Variants in RASSF9 observed in about 807,000 individuals in gnomAD.
RASSF9 encodes the protein Ras association domain family member 9, also known as ras association domain-containing protein 9.
RASSF9 carries 18 observed loss-of-function variants against 21.4 expected under a neutral mutation model. The observed-to-expected ratio is 0.84, with a 90% CI of 0.58 to 1.25. RASSF9 has a LOEUF of 1.25. RASSF9 is among the 50% of genes most tolerant of loss of function. The pLI is 0.00. For synonymous variants in RASSF9, 183 were observed against 179.1 expected (o/e 1.02, Z -0.18); for missense variants, 480 against 503.2 (o/e 0.95, Z 0.44).
intron 1 of RASSF9, among the ~76,000 whole-genome samples, chr12:85,817,051 T>C (rs1292523124): frequency 6.6e-6 from 1 of 152,148 alleles, no homozygotes; most frequent in Non-Finnish European, 1.5e-5. Flanking sequence ...TATCTCAGGC[T>C]TAAATGTATA....
At chr12:85,834,345 C>A (rs950232530) in intron 1 of RASSF9, among the ~76,000 whole-genome samples, 4 of 152,038 alleles carry the variant, frequency 2.6e-5, no homozygotes, top group African/African-American at 9.7e-5. Flanking sequence ...TGAAATTCAA[C>A]ACTATTAAAC....
chr12:85,809,417 T>C (rs995125580), intron 1 of RASSF9, among the ~76,000 whole-genome samples: 3 of 152,020 alleles, frequency 2.0e-5, no homozygotes, highest in Admixed American at 6.6e-5. Context: ...CAGAAATTGT[T>C]CTCTTCTGTG....
Position 85,805,715 on chromosome 12 carries a change from G to A in RASSF9, c.295C>T (p.Leu99Phe). Residue 99 changes from leucine to phenylalanine, a missense_variant, in exon 2 of 2, where the codon CTT becomes TTT. Physicochemically the swap from Leu to Phe is conservative, Grantham distance 22. Coordinates refer to ENST00000361228, the MANE Select transcript of RASSF9 (RefSeq NM_005447.4). ...TGCTCATCTCCCCACGCTTTCCAAA[G>A]CTTCAGGATTCTAGTTAGTGGAGGA... ...VLPPLTRILK[L>F]WKAWGDEQPN... The A allele has an allele frequency of 6.2e-7, 1 of 1,613,970 alleles. No homozygotes were observed. The highest frequency in any genetic ancestry group is 8.5e-7 in the Non-Finnish European group (1 of 1,179,904).
intron 1 of RASSF9, among the ~76,000 whole-genome samples, chr12:85,827,860 T>C (rs1485774338): frequency 6.6e-6 from 1 of 152,200 alleles, no homozygotes; most frequent in African/African-American, 2.4e-5. Context: ...CTCAAATGTC[T>C]AATTCACATA....
chr12:85,803,949 C>T lies in RASSF9; in HGVS notation c.*753G>A, dbSNP rs1879756503. 6.6e-6 allele frequency: 1 copy of T among 152,176 alleles called. No individual in the cohort carries two copies. The highest frequency in any genetic ancestry group is 1.5e-5 in the Non-Finnish European group (1 of 68,032). 9.4% of individuals were successfully genotyped at this position (152,176 alleles called of 1,614,324 possible). On this transcript the variant is annotated 3_prime_UTR_variant, in exon 2 of 2. Transcript: ENST00000361228. Reference sequence around the variant, plus strand: ...ATTTTCTCTGTAACCCACACTATACCTCACTCAGTGAATGAACATGGGTTT... The same window carrying T: ...ATTTTCTCTGTAACCCACACTATACTTCACTCAGTGAATGAACATGGGTTT...
intron 1 of RASSF9, among the ~76,000 whole-genome samples, chr12:85,818,727 G>A (rs1421628715): frequency 1.3e-5 from 2 of 152,072 alleles, no homozygotes; most frequent in Non-Finnish European, 2.9e-5. Context: ...TCGGGATGCC[G>A]AGGCGGGCGG....
At chr12:85,807,915 A>G (rs1023500784) in intron 1 of RASSF9, among the ~76,000 whole-genome samples, 1 of 152,152 alleles carries the variant, frequency 6.6e-6, no homozygotes, top group Non-Finnish European at 1.5e-5. Context: ...AACAAATGAC[A>G]TGAAATTAGT....
intron 1 of RASSF9, among the ~76,000 whole-genome samples, chr12:85,821,111 T>A (rs1264231479): frequency 6.6e-6 from 1 of 151,750 alleles, no homozygotes; most frequent in African/African-American, 2.4e-5. Flanking sequence ...GCCACTGCAC[T>A]CCAGCCTGGC....
intron 1 of RASSF9, among the ~76,000 whole-genome samples, chr12:85,820,810 G>C (rs1258939110): frequency 1.3e-5 from 2 of 152,148 alleles, no homozygotes; most frequent in African/African-American, 4.8e-5. Flanking sequence ...TTTCTAGTAA[G>C]TTTCAAAGCA....
At chr12:85,833,633 G>C (rs182848050) in intron 1 of RASSF9, among the ~76,000 whole-genome samples, 128 of 152,042 alleles carry the variant, frequency 8.4e-4, no homozygotes, top group African/African-American at 3.0e-3. Flanking sequence ...TCTGTAAGCA[G>C]ACTTTCTCAA....
At chr12:85,815,172 A>G (rs956411595) in intron 1 of RASSF9, among the ~76,000 whole-genome samples, 1 of 152,048 alleles carries the variant, frequency 6.6e-6, no homozygotes, top group Non-Finnish European at 1.5e-5. Flanking sequence ...AATGAGAGAG[A>G]GAGAAAAAAA....
At chr12:85,834,787 T>G (rs1310998196) in intron 1 of RASSF9, among the ~76,000 whole-genome samples, 3 of 152,126 alleles carry the variant, frequency 2.0e-5, no homozygotes, top group African/African-American at 7.2e-5. Flanking sequence ...AACAGAGTAT[T>G]TTTATTTTTG....
chr12:85,804,963 C>T lies in RASSF9; in HGVS notation c.1047G>A (p.Leu349=), dbSNP rs775956214. 6.2e-7 allele frequency: 1 copy of T among 1,613,884 alleles called. No individual in the cohort carries two copies. Among genetic ancestry groups the T allele is most frequent in the South Asian group, 1.1e-5 (1 of 91,080 alleles). Residue 349 remains leucine, a synonymous_variant, in exon 2 of 2, where the codon TTG becomes TTA. Coordinates refer to ENST00000361228, the MANE Select transcript of RASSF9 (RefSeq NM_005447.4). Reference sequence around the variant, plus strand: ...CATATTCTTTTGCTTTCATCTGAAGCAATGAGTCACTGTATTTAATCTCTT... The same window carrying T: ...CATATTCTTTTGCTTTCATCTGAAGTAATGAGTCACTGTATTTAATCTCTT... ...IQKEIKYSDS[L]LQMKAKEYEL...
chr12:85,818,236 C>A (rs1287387180), intron 1 of RASSF9, among the ~76,000 whole-genome samples: 1 of 152,186 alleles, frequency 6.6e-6, no homozygotes. Flanking sequence ...CATATAAATT[C>A]ACTTTTCATT....
At chr12:85,810,113 A>G (rs769262775) in intron 1 of RASSF9, among the ~76,000 whole-genome samples, 12 of 152,016 alleles carry the variant, frequency 7.9e-5, no homozygotes, top group Non-Finnish European at 1.5e-4. Context: ...GCAATAAATC[A>G]TTCATAACTA....
At chr12:85,832,745 C>CA in intron 1 of RASSF9, among the ~76,000 whole-genome samples, 1 of 151,888 alleles carries the variant, frequency 6.6e-6, no homozygotes, top group African/African-American at 2.4e-5. Flanking sequence ...TCATGTTGAA[C>CA]AAAAAGTCTG....
intron 1 of RASSF9, among the ~76,000 whole-genome samples, chr12:85,833,380 G>T (rs1333606607): frequency 6.6e-6 from 1 of 151,810 alleles, no homozygotes; most frequent in East Asian, 1.9e-4. Context: ...AAAACACAAT[G>T]GTGTCTAGAC....
chr12:85,804,891 A>G lies in RASSF9; in HGVS notation c.1119T>C (p.Asp373=), dbSNP rs1362011441. The part of the protein sequence containing the change: ...EFNSLHISNK[D]GCQLKENRAK... ...CTCTGTTTTCCTTTAACTGGCACCC[A>G]TCTTTGTTGCTAATGTGAAGTGAAT... The change falls in exon 2 of 2, where the codon GAT becomes GAC. Residue 373 remains aspartate (D), a synonymous_variant. Transcript: ENST00000361228. The G allele has an allele frequency of 1.9e-6, 3 of 1,613,772 alleles. No homozygotes were observed. In the South Asian group the frequency reaches 3.3e-5, roughly 18 times the overall value.
intron 1 of RASSF9, among the ~76,000 whole-genome samples, chr12:85,813,775 TATTA>T (rs1411089680): frequency 6.6e-6 from 1 of 151,754 alleles, no homozygotes; most frequent in Non-Finnish European, 1.5e-5. Context: ...AATAGTAAAT[TATTA>T]ATTAAGAATA....
Sources: allele counts gnomAD v4.1 joint callset (sites outside exome capture counted in the v4.1 genomes callset), GRCh38; gene constraint gnomAD v4.1.1; transcripts MANE v1.5; gene names NCBI Gene and HGNC (gene_info 2026-07-23, HGNC 2026-07-21).